DNM2: variants seen among roughly 807,000 people sequenced by gnomAD.
DNM2 encodes dynamin 2.
DNM2 carries 15 observed loss-of-function variants against 99.0 expected under a neutral mutation model. The observed-to-expected ratio is 0.15, with a 90% CI of 0.10 to 0.23. DNM2 has a LOEUF of 0.23. DNM2 is among the 10% of genes least tolerant of loss of function. The pLI is 1.00. For synonymous variants in DNM2, 525 were observed against 481.2 expected, an observed-to-expected ratio of 1.09 and a Z score of -1.19; for missense variants, 742 against 1,189.4, an observed-to-expected ratio of 0.62 and a Z score of 5.53.
At chr19:10,825,430 C>T (rs765839236) in intron 18 of DNM2, among the ~76,000 whole-genome samples, 3 of 150,784 alleles carry the variant, frequency 2.0e-5, no homozygotes, top group East Asian at 2.0e-4. Context: ...CAGCACTTTG[C>T]GAGGCCAAGG....
At chr19:10,798,641 G>T (rs183647185) in intron 11 of DNM2, 69 bp downstream of exon 11, 59 of 1,575,230 alleles carry the variant, frequency 3.7e-5, no homozygotes, top group Non-Finnish European at 4.8e-5. Context: ...ACTGTTCTGT[G>T]CATGCTGACA....
At chr19:10,748,584 C>G (rs1013820521) in intron 1 of DNM2, among the ~76,000 whole-genome samples, 2 of 152,116 alleles carry the variant, frequency 1.3e-5, no homozygotes, top group African/African-American at 4.8e-5. Context: ...GGCATGGGTC[C>G]CCACTTCTGC....
At chr19:10,798,934 C>T (rs1466814214) in intron 11 of DNM2, among the ~76,000 whole-genome samples, 2 of 152,196 alleles carry the variant, frequency 1.3e-5, no homozygotes, top group East Asian at 3.9e-4. Flanking sequence ...TCTCAAAAAC[C>T]CACAGGCCAG....
chr19:10,821,719 CG>C (rs1311496419), intron 16 of DNM2, among the ~76,000 whole-genome samples: 1 of 152,096 alleles, frequency 6.6e-6, no homozygotes, highest in African/African-American at 2.4e-5. Flanking sequence ...TTAGTAGAGA[CG>C]GGGTTTCTCC....
chr19:10,773,660 G>C (rs2071058091), intron 3 of DNM2, among the ~76,000 whole-genome samples: 1 of 151,496 alleles, frequency 6.6e-6, no homozygotes, highest in African/African-American at 2.4e-5. Context: ...TAGAGACGGG[G>C]TTTCACCATG....
At chr19:10,785,157 G>C (rs2071515768) in intron 6 of DNM2, among the ~76,000 whole-genome samples, 1 of 151,790 alleles carries the variant, frequency 6.6e-6, no homozygotes, top group African/African-American at 2.4e-5. Flanking sequence ...TCGCTCTGTT[G>C]CCCAGGCTGG....
chr19:10,829,621 C>T (rs2073263019), intron 19 of DNM2, among the ~76,000 whole-genome samples: 1 of 152,168 alleles, frequency 6.6e-6, no homozygotes, highest in Non-Finnish European at 1.5e-5. Context: ...AGATGGGAGG[C>T]TCTGGAGGGG....
intron 1 of DNM2, among the ~76,000 whole-genome samples, chr19:10,746,730 T>G (rs1236183081): frequency 8.2e-6 from 1 of 122,694 alleles, no homozygotes; most frequent in Non-Finnish European, 1.7e-5. Context: ...TTTTTTTGTT[T>G]TTTGTTTTTT....
chr19:10,802,374 G>A lies in DNM2; in HGVS notation c.1493+16G>A, dbSNP rs1446097383. The A allele has an allele frequency of 3.1e-6, 5 of 1,614,052 alleles. No homozygotes were observed. The highest frequency in any genetic ancestry group is 3.3e-5 in the Admixed American group (2 of 60,024). On this transcript the variant is annotated intron_variant, in intron 12 of 20. Transcript: ENST00000389253. Reference sequence around the variant, plus strand: ...GGTTTGCCAAGTAGGTACTTTTAGAGACTGGCTGGTCGGGCGGCACCAATC... The same window carrying A: ...GGTTTGCCAAGTAGGTACTTTTAGAAACTGGCTGGTCGGGCGGCACCAATC...
At chr19:10,786,457 C>G (rs2071561862) in intron 6 of DNM2, 107 bp from the exon 7 acceptor site, 6 of 1,554,832 alleles carry the variant, frequency 3.9e-6, no homozygotes, top group Non-Finnish European at 5.3e-6. Context: ...GTGTGGTGGC[C>G]GCATAGTGGC....
chr19:10,827,604 G>C (rs1425659921), intron 18 of DNM2, among the ~76,000 whole-genome samples: 4 of 151,958 alleles, frequency 2.6e-5, no homozygotes, highest in Non-Finnish European at 5.9e-5. Flanking sequence ...AGGTGTGGTG[G>C]CTCATGCCTG....
At chr19:10,802,910 C>T (rs1156810772) in intron 12 of DNM2, among the ~76,000 whole-genome samples, 1 of 152,230 alleles carries the variant, frequency 6.6e-6, no homozygotes, top group Non-Finnish European at 1.5e-5. Flanking sequence ...TCTCAGGCAT[C>T]ACCCGCTGAT....
intron 1 of DNM2, among the ~76,000 whole-genome samples, chr19:10,725,841 A>T (rs769864531): frequency 6.6e-6 from 1 of 151,632 alleles, no homozygotes; most frequent in Non-Finnish European, 1.5e-5. Flanking sequence ...GCAGCCTCCA[A>T]CTCCTGGGTT....
rs1001119746 is a variant in DNM2, at chr19:10,764,480, T to C, written c.235+4669T>C. Among the ~76,000 whole-genome samples, 66 of 152,192 alleles carry C rather than the reference T, an allele frequency of 4.3e-4. No individual in the cohort carries two copies. Among genetic ancestry groups the C allele is most frequent in the African/African-American group, 1.4e-3 (60 of 41,450 alleles). On this transcript the variant is annotated intron_variant, in intron 2 of 20. Transcript: ENST00000389253. This position sits in a 1 kb window ranked among gnomAD's most constrained non-coding sequence, Gnocchi z 4.1. ...AACCACCAGGAAGTTTGGTGGCCCATGAGTGAACCCTGCCCTCACTGGGAA... is the reference window on the plus strand; with the variant it reads ...AACCACCAGGAAGTTTGGTGGCCCACGAGTGAACCCTGCCCTCACTGGGAA...
At position 10,764,360 on chromosome 19, in the gene DNM2, G is replaced by A. The variant is rs376456847; in HGVS notation, c.235+4549G>A. Among the ~76,000 whole-genome samples the A allele has an allele frequency of 2.0e-5, 3 of 152,214 alleles. No individual in the cohort carries two copies. The highest frequency in any genetic ancestry group is 6.5e-5 in the Admixed American group (1 of 15,282). ...ACAGGGCCCCCAGGGCGCAGCCCAC[G>A]TTCCCCTCTGGTTCCCGCAGCTTGC... On this transcript the variant is annotated intron_variant, in intron 2 of 20. Coordinates refer to ENST00000389253, the MANE Select transcript of DNM2 (RefSeq NM_001005361.3). This position sits in a 1 kb window ranked among gnomAD's most constrained non-coding sequence, Gnocchi z 4.1.
intron 1 of DNM2, among the ~76,000 whole-genome samples, chr19:10,723,570 G>A (rs558314482): frequency 9.9e-5 from 15 of 152,264 alleles, no homozygotes; most frequent in African/African-American, 2.6e-4. Context: ...GCCCAGCCCC[G>A]TCTTCTTTAA....
At chr19:10,806,054 C>T in intron 13 of DNM2, 87 bp downstream of exon 13, 1 of 1,549,410 alleles carries the variant, frequency 6.5e-7, no homozygotes, top group African/African-American at 1.4e-5. Flanking sequence ...GGAGCTCGGC[C>T]TGTGTAAAGC....
intron 1 of DNM2, among the ~76,000 whole-genome samples, chr19:10,759,282 G>A (rs1009777967): frequency 1.3e-5 from 2 of 152,078 alleles, no homozygotes; most frequent in Admixed American, 6.6e-5. Flanking sequence ...CCACATCCAG[G>A]TATCCACTGA....
At chr19:10,813,402 C>T (rs2072623155) in intron 15 of DNM2, among the ~76,000 whole-genome samples, 1 of 152,172 alleles carries the variant, frequency 6.6e-6, no homozygotes, top group Non-Finnish European at 1.5e-5. Context: ...TTTATGGGGT[C>T]CCTGTGATGT....
Sources: gnomAD v4.1 joint callset for allele counts (sites outside exome capture counted in the v4.1 genomes callset) on GRCh38, gnomAD v4.1.1 for gene constraint, Gnocchi (gnomAD v3.1) non-coding constraint, MANE v1.5 for transcripts, NCBI Gene and HGNC (gene_info 2026-07-23, HGNC 2026-07-21) for gene names.